Variants in CTNNA2 observed in about 807,000 individuals in gnomAD.
The protein encoded by CTNNA2 is catenin alpha-2.
A neutral mutation model predicts 101.0 loss-of-function variants in CTNNA2; 42 were observed. The observed-to-expected ratio is 0.42, with a 90% confidence interval of 0.32 to 0.54. The LOEUF (loss-of-function observed/expected upper bound fraction) is 0.54, where lower values mean the gene tolerates loss of function less well. Among genes scored for constraint, CTNNA2 ranks in the 20% least tolerant of loss-of-function variants. The pLI is 0.14. For missense variants in CTNNA2, 871 were observed against 1,223.1 expected (o/e 0.71, Z 4.29); for synonymous variants, 450 against 456.4 (o/e 0.99, Z 0.18).
intron 9 of CTNNA2, among the ~76,000 whole-genome samples, chr2:80,490,288 C>CCCCCCCCG (rs201732088): frequency 2.0e-5 from 2 of 97,878 alleles, no homozygotes; most frequent in African/African-American, 9.0e-5. Flanking sequence ...CCACCCCCCC[C>CCCCCCCCG]CCGGTAAAGC....
At chr2:79,338,652 C>T (rs546257112) in intron 3 of CTNNA2, among the ~76,000 whole-genome samples, 86 of 142,510 alleles carry the variant, frequency 6.0e-4, no homozygotes, top group African/African-American at 1.4e-3. Flanking sequence ...TCAAAGATTC[C>T]TCTGGCTGCT....
At chr2:80,283,338 C>A (rs189645470) in intron 7 of CTNNA2, among the ~76,000 whole-genome samples, 1 of 152,110 alleles carries the variant, frequency 6.6e-6, no homozygotes, top group Admixed American at 6.6e-5. Flanking sequence ...TAAGGAAATG[C>A]TGGTTTGAGG....
At chr2:79,776,203 G>T (rs896303519) in intron 3 of CTNNA2, among the ~76,000 whole-genome samples, 3 of 152,068 alleles carry the variant, frequency 2.0e-5, no homozygotes, top group Non-Finnish European at 4.4e-5. Flanking sequence ...CACGGCTTTT[G>T]TTTATGTTGT....
chr2:79,982,902 C>A (rs963029663), intron 7 of CTNNA2, among the ~76,000 whole-genome samples: 2 of 152,086 alleles, frequency 1.3e-5, no homozygotes, highest in Non-Finnish European at 2.9e-5. Flanking sequence ...GAATAACTCT[C>A]TCTCTCTTGA....
At chr2:79,730,116 C>T (rs182473143) in intron 2 of CTNNA2, among the ~76,000 whole-genome samples, 5 of 152,110 alleles carry the variant, frequency 3.3e-5, no homozygotes, top group Admixed American at 2.0e-4. Context: ...CCACAAGTGT[C>T]GGACAAATTA....
intron 9 of CTNNA2, among the ~76,000 whole-genome samples, chr2:80,474,385 G>GT (rs11453656): frequency 1 from 152,116 of 152,116 alleles, 76,058 homozygotes; most frequent in Non-Finnish European, 1. Flanking sequence ...GGAGGTGGGT[G>GT]TCCATATCCA....
chr2:80,026,874 ATATT>A (rs955604514), intron 7 of CTNNA2, among the ~76,000 whole-genome samples: 4 of 152,196 alleles, frequency 2.6e-5, no homozygotes, highest in African/African-American at 9.7e-5. Flanking sequence ...ATGTTTTAAA[ATATT>A]TATGAAGTCC....
At chr2:79,378,199 T>A (rs1369572604) in intron 4 of CTNNA2, among the ~76,000 whole-genome samples, 1 of 152,126 alleles carries the variant, frequency 6.6e-6, no homozygotes, top group East Asian at 1.9e-4. Flanking sequence ...AAAGTTCCCA[T>A]TTTGTACTTT....
chr2:79,385,729 C>T (rs1019138594), intron 4 of CTNNA2, among the ~76,000 whole-genome samples: 1 of 152,036 alleles, frequency 6.6e-6, no homozygotes, highest in Non-Finnish European at 1.5e-5. Context: ...TTCCCCTTCC[C>T]GTGTCCATGT....
At position 80,380,465 on chromosome 2, in the gene CTNNA2, G is replaced by A. The variant is rs142378526; in HGVS notation, c.1057-12746G>A. Among the ~76,000 whole-genome samples, 884 of 152,300 alleles carry A rather than the reference G, an allele frequency of 5.8e-3. 3 individuals are homozygous for A. Among genetic ancestry groups the A allele is most frequent in the Admixed American group, 0.014 (208 of 15,300 alleles). On this transcript the variant is annotated intron_variant, in intron 7 of 18. Coordinates refer to ENST00000402739, the MANE Select transcript of CTNNA2 (RefSeq NM_001282597.3). ...TTGGAGGTCAGGAGCCAGCAATGGA[G>A]AATTAAGTCTCTCCCAAGAAGTTCT...
intron 1 of CTNNA2, among the ~76,000 whole-genome samples, chr2:79,587,410 C>G (rs1676567080): frequency 6.6e-6 from 1 of 152,082 alleles, no homozygotes; most frequent in Admixed American, 6.6e-5. Context: ...ATGCCCAGCC[C>G]TCTGGCTTCA....
chr2:79,397,224 C>T (rs1185903219), intron 4 of CTNNA2, among the ~76,000 whole-genome samples: 1 of 152,076 alleles, frequency 6.6e-6, no homozygotes, highest in African/African-American at 2.4e-5. Flanking sequence ...GTGTTGGAAA[C>T]ATTATAATTC....
At position 80,223,419 on chromosome 2, in the gene CTNNA2, C is replaced by T. The variant is rs182617691; in HGVS notation, c.1057-169792C>T. On this transcript the variant is annotated intron_variant, in intron 7 of 18. Coordinates refer to ENST00000402739, the MANE Select transcript of CTNNA2 (RefSeq NM_001282597.3). ...CCTCCCGAGTGGCTGGGATTATAGGCATGAGCCACCATGCCCAGCTAATTT... is the reference window on the plus strand; with the variant it reads ...CCTCCCGAGTGGCTGGGATTATAGGTATGAGCCACCATGCCCAGCTAATTT... Among the ~76,000 whole-genome samples the T allele has an allele frequency of 5.1e-3, 778 of 152,264 alleles. 10 individuals are homozygous for T. Among genetic ancestry groups the T allele is most frequent in the Non-Finnish European group, 6.0e-3 (410 of 68,022 alleles).
At chr2:79,289,350 A>G (rs1369335733) in intron 2 of CTNNA2, among the ~76,000 whole-genome samples, 1 of 152,202 alleles carries the variant, frequency 6.6e-6, no homozygotes, top group African/African-American at 2.4e-5. Context: ...TATAGATTTA[A>G]TGATGAAGAC....
chr2:79,344,472 C>T (rs1677210130), intron 3 of CTNNA2, among the ~76,000 whole-genome samples: 1 of 152,056 alleles, frequency 6.6e-6, no homozygotes, highest in Non-Finnish European at 1.5e-5. Context: ...GGAAAAGTTT[C>T]ACATAATAGG....
chr2:80,083,085 A>G (rs535327838), intron 7 of CTNNA2, among the ~76,000 whole-genome samples: 51 of 152,154 alleles, frequency 3.4e-4, no homozygotes, highest in Admixed American at 2.7e-3. Context: ...TTCTGTTCTC[A>G]TGTGGGAAAT....
intron 4 of CTNNA2, among the ~76,000 whole-genome samples, chr2:79,412,616 G>A (rs1275881258): frequency 6.6e-6 from 1 of 151,928 alleles, no homozygotes; most frequent in Non-Finnish European, 1.5e-5. Flanking sequence ...CAACTACATG[G>A]AAACTGAACA....
intron 3 of CTNNA2, among the ~76,000 whole-genome samples, chr2:79,341,978 G>A (rs1329287427): frequency 6.6e-6 from 1 of 152,122 alleles, no homozygotes; most frequent in East Asian, 1.9e-4. Context: ...ATCTCAGACC[G>A]TTCACCATTC....
intron 9 of CTNNA2, among the ~76,000 whole-genome samples, chr2:80,471,297 A>G (rs772344130): frequency 6.6e-6 from 1 of 152,228 alleles, no homozygotes; most frequent in Admixed American, 6.5e-5. Context: ...CCACGATAAG[A>G]TATCTTCCTT....
Sources: allele counts gnomAD v4.1 joint callset (sites outside exome capture counted in the v4.1 genomes callset), GRCh38; gene constraint gnomAD v4.1.1; transcripts MANE v1.5; gene names NCBI Gene and HGNC (gene_info 2026-07-23, HGNC 2026-07-21).